The following CADM2 variants were observed in gnomAD, a reference collection of about 807,000 sequenced individuals.
CADM2 encodes the protein cell adhesion molecule 2, also known as immunoglobulin superfamily member 4D.
Under a neutral mutation model 49.8 loss-of-function variants are expected in CADM2, and 12 were observed. That is an observed-to-expected ratio of 0.24 (90% CI 0.15 to 0.39). The LOEUF is 0.39. Ranked by LOEUF, CADM2 falls within the 10% of genes least tolerant of loss-of-function variation. CADM2 has a pLI of 1.00. For missense variants in CADM2, 378 were observed against 492.3 expected, an observed-to-expected ratio of 0.77 and a Z score of 2.20; for synonymous variants, 214 against 175.4, an observed-to-expected ratio of 1.22 and a Z score of -1.74.
chr3:85,171,067 T>C lies in CADM2; in HGVS notation c.61+211399T>C, dbSNP rs2040612254. ...CGATTTGATCCCTGAAACAAATGTT[T>C]TAATTTTTTTTGTAAATGTACATGA... On this transcript the variant is annotated intron_variant, in intron 1 of 9. Transcript: ENST00000383699. Among the ~76,000 whole-genome samples the C allele has an allele frequency of 2.6e-5, 4 of 152,236 alleles. No individual in the cohort carries two copies. In the South Asian group the frequency reaches 8.3e-4, roughly 32 times the overall value.
chr3:85,515,626 TA>T (rs1418570023), intron 1 of CADM2, among the ~76,000 whole-genome samples: 9 of 115,438 alleles, frequency 7.8e-5, no homozygotes, highest in African/African-American at 3.2e-4. Context: ...TATATATATA[TA>T]TATATTTTTT....
chr3:85,659,979 G>T (rs1447144941), intron 1 of CADM2, among the ~76,000 whole-genome samples: 1 of 152,090 alleles, frequency 6.6e-6, no homozygotes, highest in African/African-American at 2.4e-5. Context: ...GCACCCATTT[G>T]TCCAATACCT....
chr3:85,609,982 T>C (rs1221274462), intron 1 of CADM2, among the ~76,000 whole-genome samples: 1 of 152,050 alleles, frequency 6.6e-6, no homozygotes, highest in Non-Finnish European at 1.5e-5. Flanking sequence ...CTGTACACAT[T>C]TGTAAAATAA....
intron 1 of CADM2, among the ~76,000 whole-genome samples, chr3:85,278,271 C>G (rs1403411858): frequency 6.6e-6 from 1 of 151,290 alleles, no homozygotes; most frequent in Non-Finnish European, 1.5e-5. Context: ...AATATGATCT[C>G]ACATTATTTC....
intron 1 of CADM2, among the ~76,000 whole-genome samples, chr3:85,214,127 A>T (rs1030357984): frequency 6.6e-6 from 1 of 152,010 alleles, no homozygotes; most frequent in Non-Finnish European, 1.5e-5. Flanking sequence ...CTTTGGTCAC[A>T]GTAGCCATAC....
rs192933421 is a variant in CADM2, at chr3:85,191,881, A to C, written c.61+232213A>C. Among the ~76,000 whole-genome samples, 13 of 152,040 alleles carry C rather than the reference A, an allele frequency of 8.6e-5. No individual in the cohort carries two copies. The East Asian group carries it at 2.3e-3, about 27-fold the overall frequency. ...CCTGTAGTTTTCAGAAGGCTTCCAC[A>C]TGTAGGGTCAGCAACCTCATCTTGT... On this transcript the variant is annotated intron_variant, in intron 1 of 9. Coordinates refer to ENST00000383699, the MANE Select transcript of CADM2 (RefSeq NM_001167675.2).
At chr3:84,974,363 C>G (rs1376449129) in intron 1 of CADM2, among the ~76,000 whole-genome samples, 1 of 151,650 alleles carries the variant, frequency 6.6e-6, no homozygotes, top group Non-Finnish European at 1.5e-5. Flanking sequence ...CTGTGCTTAC[C>G]CATTAACTTT....
At chr3:85,195,573 AC>A (rs1001413076) in intron 1 of CADM2, among the ~76,000 whole-genome samples, 14 of 151,712 alleles carry the variant, frequency 9.2e-5, no homozygotes, top group Non-Finnish European at 1.9e-4. Context: ...ACACACACAC[AC>A]ATTTTGTAAT....
intron 1 of CADM2, among the ~76,000 whole-genome samples, chr3:85,644,858 G>T (rs2107563441): frequency 6.6e-6 from 1 of 152,168 alleles, no homozygotes; most frequent in African/African-American, 2.4e-5. Context: ...TTGTTAAGTG[G>T]TCCAGTTTTT....
intron 1 of CADM2, among the ~76,000 whole-genome samples, chr3:85,070,947 C>A (rs2107472383): frequency 6.6e-6 from 1 of 151,720 alleles, no homozygotes; most frequent in Admixed American, 6.6e-5. Flanking sequence ...CGAGATCGCG[C>A]CACCGCACTC....
chr3:84,967,257 A>G (rs1217443276), intron 1 of CADM2, among the ~76,000 whole-genome samples: 3 of 152,124 alleles, frequency 2.0e-5, no homozygotes, highest in Non-Finnish European at 2.9e-5. Flanking sequence ...GTATTCTAAA[A>G]TGCAGGTGCC....
intron 1 of CADM2, among the ~76,000 whole-genome samples, chr3:85,301,132 G>C (rs181825174): frequency 5.4e-4 from 82 of 152,108 alleles, no homozygotes; most frequent in African/African-American, 2.0e-3. Context: ...AAAATACAAC[G>C]TAGCCTAGAT....
intron 1 of CADM2, among the ~76,000 whole-genome samples, chr3:85,571,799 T>A (rs964216194): frequency 6.6e-6 from 1 of 152,220 alleles, no homozygotes; most frequent in Non-Finnish European, 1.5e-5. Flanking sequence ...GACTATTTTG[T>A]AAGGTCTGCT....
At chr3:85,886,027 AAC>A (rs1434651290) in intron 4 of CADM2, among the ~76,000 whole-genome samples, 161 bp from the exon 5 acceptor site, 2 of 152,118 alleles carry the variant, frequency 1.3e-5, no homozygotes, top group Non-Finnish European at 2.9e-5. Flanking sequence ...AAGTATGTAT[AAC>A]ACACACATAT....
At chr3:86,006,293 G>C (rs1730781633) in intron 8 of CADM2, among the ~76,000 whole-genome samples, 1 of 152,140 alleles carries the variant, frequency 6.6e-6, no homozygotes, top group South Asian at 2.1e-4. Context: ...TTGAAATGTA[G>C]TCTAGAGCTT....
intron 1 of CADM2, among the ~76,000 whole-genome samples, chr3:85,188,245 CTTATTT>C (rs1193828489): frequency 1.3e-5 from 2 of 151,948 alleles, no homozygotes; most frequent in African/African-American, 4.8e-5. Flanking sequence ...CTTATGCATT[CTTATTT>C]TTATTTTAGT....
At chr3:85,445,434 A>T (rs1383803704) in intron 1 of CADM2, among the ~76,000 whole-genome samples, 1 of 152,124 alleles carries the variant, frequency 6.6e-6, no homozygotes, top group Non-Finnish European at 1.5e-5. Context: ...CATTGTCTGT[A>T]ATGAGATTAA....
chr3:85,632,567 A>G (rs2064345831), intron 1 of CADM2, among the ~76,000 whole-genome samples: 1 of 152,100 alleles, frequency 6.6e-6, no homozygotes, highest in African/African-American at 2.4e-5. Context: ...TTTCAGCACC[A>G]TATGGTTTGT....
At chr3:85,411,652 G>A (rs937828093) in intron 1 of CADM2, among the ~76,000 whole-genome samples, 7 of 152,106 alleles carry the variant, frequency 4.6e-5, no homozygotes, top group African/African-American at 1.4e-4. Flanking sequence ...AAGGGTAGAG[G>A]AGGCTCTAAT....
Sources: allele counts gnomAD v4.1 joint callset (sites outside exome capture counted in the v4.1 genomes callset), GRCh38; gene constraint gnomAD v4.1.1; transcripts MANE v1.5; gene names NCBI Gene and HGNC (gene_info 2026-07-23, HGNC 2026-07-21).